RPRD1B: variants seen among roughly 807,000 people sequenced by gnomAD.
The protein encoded by RPRD1B is regulation of nuclear pre-mRNA domain-containing protein 1B.
In RPRD1B, 11 loss-of-function variants were observed where a neutral mutation model predicts 41.5. The observed-to-expected ratio is 0.27, with a 90% CI of 0.17 to 0.44. The LOEUF is 0.44. RPRD1B is among the 20% of genes least tolerant of loss of function. RPRD1B has a pLI of 1.00. For missense variants in RPRD1B, 248 were observed against 389.9 expected (o/e 0.64, Z 3.06); for synonymous variants, 158 against 155.6 (o/e 1.02, Z -0.12).
Position 38,091,266 on chromosome 20 carries a change from G to A in RPRD1B, c.*1391G>A. On this transcript the variant is annotated 3_prime_UTR_variant, in exon 7 of 7. Coordinates refer to ENST00000373433, the MANE Select transcript of RPRD1B (RefSeq NM_021215.4). The stretch of plus-strand genomic sequence containing the variant: ...GGGGCTTTGTAATCTCCATTAATTT[G>A]TGTTGCTACTTCCAGGATCACCAAA... The A allele has an allele frequency of 2.0e-6, 2 of 985,760 alleles. No individual in the cohort carries two copies. The highest frequency in any genetic ancestry group is 2.4e-6 in the Non-Finnish European group (2 of 829,890). The allele number at this position is 985,760 out of a possible 1,614,324, so 61.1% of individuals were successfully genotyped here.
chr20:38,076,906 C>CCTTTTTTTT (rs2074466082), intron 6 of RPRD1B, among the ~76,000 whole-genome samples: 4 of 63,510 alleles, frequency 6.3e-5, no homozygotes, highest in Admixed American at 1.8e-4. Flanking sequence ...CATTCTGGAC[C>CCTTTTTTTT]TTTTTTTTTT....
intron 3 of RPRD1B, among the ~76,000 whole-genome samples, chr20:38,055,609 C>G (rs1600406439): frequency 6.6e-6 from 1 of 152,202 alleles, no homozygotes; most frequent in Non-Finnish European, 1.5e-5. Context: ...CGTGCTCTTT[C>G]TTCTGTAACT....
chr20:38,081,693 A>G (rs915838347), intron 6 of RPRD1B, among the ~76,000 whole-genome samples: 5 of 152,178 alleles, frequency 3.3e-5, no homozygotes, highest in Non-Finnish European at 7.3e-5. Context: ...TGGGTTTGTC[A>G]TAGATGGCTC....
chr20:38,044,372 A>ATTTTTTTTT (rs74179885), intron 2 of RPRD1B, among the ~76,000 whole-genome samples: 1 of 124,546 alleles, frequency 8.0e-6, no homozygotes, highest in Non-Finnish European at 1.6e-5. Flanking sequence ...TCAGGTGTTC[A>ATTTTTTTTT]TTTTTTTTTT....
At chr20:38,063,240 T>G (rs1045378417) in intron 5 of RPRD1B, among the ~76,000 whole-genome samples, 1 of 152,170 alleles carries the variant, frequency 6.6e-6, no homozygotes, top group Non-Finnish European at 1.5e-5. Flanking sequence ...TTTGAAAATG[T>G]TGATCCCCCC....
rs1461408656 is a variant in RPRD1B at position 38,091,057 on chromosome 20, GTAGT to G, written c.*1186_*1189del. The G allele has an allele frequency of 1.0e-6, 1 of 985,624 alleles. No individual in the cohort carries two copies. The highest frequency in any genetic ancestry group is 1.2e-6 in the Non-Finnish European group (1 of 829,854). The allele number at this position is 985,624 out of a possible 1,614,324, so 61.1% of individuals were successfully genotyped here. Reference sequence around the variant, plus strand: ...TCAGCTGACATTATGACTATATAATGTAGTTAGAGACAATTTTTATCTTGCTTAT... The same window carrying G: ...TCAGCTGACATTATGACTATATAATGTAGAGACAATTTTTATCTTGCTTAT... On this transcript the variant is annotated 3_prime_UTR_variant, in exon 7 of 7. Coordinates refer to ENST00000373433, the MANE Select transcript of RPRD1B (RefSeq NM_021215.4).
chr20:38,051,726 AT>A (rs1298661211), intron 3 of RPRD1B, among the ~76,000 whole-genome samples: 2 of 152,214 alleles, frequency 1.3e-5, no homozygotes, highest in Non-Finnish European at 2.9e-5. Flanking sequence ...TAGTTTAGCT[AT>A]TCAGGCTTCC....
At chr20:38,057,478 G>A in intron 3 of RPRD1B, 54 bp from the exon 4 acceptor site, 1 of 1,262,074 alleles carries the variant, frequency 7.9e-7, no homozygotes, top group East Asian at 2.3e-5. Flanking sequence ...CATAGCATGT[G>A]ACTTATCACT....
chr20:38,055,193 C>A (rs1487889228), intron 3 of RPRD1B, among the ~76,000 whole-genome samples: 1 of 152,108 alleles, frequency 6.6e-6, no homozygotes, highest in African/African-American at 2.4e-5. Context: ...AGATAATAAA[C>A]TAATAGTTAT....
At chr20:38,043,005 A>G (rs949814525) in intron 2 of RPRD1B, among the ~76,000 whole-genome samples, 5 of 152,256 alleles carry the variant, frequency 3.3e-5, no homozygotes, top group Admixed American at 2.6e-4. Context: ...ACAGCTGTCC[A>G]TGTCATTTTT....
intron 1 of RPRD1B, among the ~76,000 whole-genome samples, chr20:38,034,347 C>T (rs1387269651): frequency 6.6e-6 from 1 of 152,220 alleles, no homozygotes; most frequent in Admixed American, 6.5e-5. Context: ...AAGCCATTTT[C>T]CCTTCAGTTT....
intron 6 of RPRD1B, among the ~76,000 whole-genome samples, chr20:38,075,728 T>C (rs953611563): frequency 3.3e-5 from 5 of 152,230 alleles, no homozygotes; most frequent in Non-Finnish European, 5.9e-5. Context: ...AGAGTCATTT[T>C]CTGAGATCAG....
chr20:38,058,911 G>T (rs761590941), intron 4 of RPRD1B, among the ~76,000 whole-genome samples: 1 of 152,060 alleles, frequency 6.6e-6, no homozygotes, highest in Non-Finnish European at 1.5e-5. Flanking sequence ...ACAGGGTGTC[G>T]CTATATTGTC....
chr20:38,060,217 C>T (rs1056446756), intron 5 of RPRD1B, among the ~76,000 whole-genome samples: 2 of 152,194 alleles, frequency 1.3e-5, no homozygotes, highest in African/African-American at 4.8e-5. Context: ...TCCAAGGTCA[C>T]ACAAGTAGTG....
chr20:38,035,098 A>G (rs1455306096), intron 1 of RPRD1B, among the ~76,000 whole-genome samples: 3 of 152,202 alleles, frequency 2.0e-5, no homozygotes, highest in African/African-American at 7.2e-5. Context: ...GTGAGGAGTA[A>G]ACGGGATAAT....
At chr20:38,051,018 A>C (rs1282282138) in intron 3 of RPRD1B, among the ~76,000 whole-genome samples, 2 of 152,174 alleles carry the variant, frequency 1.3e-5, no homozygotes, top group Non-Finnish European at 2.9e-5. Flanking sequence ...ATTCATGGGT[A>C]ATTCTTTGTC....
chr20:38,047,410 A>T (rs777312527), intron 2 of RPRD1B, among the ~76,000 whole-genome samples: 38 of 152,152 alleles, frequency 2.5e-4, no homozygotes, highest in Non-Finnish European at 4.4e-4. Flanking sequence ...TTGAATTGGC[A>T]TGGTTTCTCC....
At chr20:38,052,245 G>A (rs1010104399) in intron 3 of RPRD1B, among the ~76,000 whole-genome samples, 1 of 152,182 alleles carries the variant, frequency 6.6e-6, no homozygotes, top group Non-Finnish European at 1.5e-5. Flanking sequence ...GCCAGTTCTA[G>A]TATCTAATGT....
intron 2 of RPRD1B, among the ~76,000 whole-genome samples, chr20:38,045,216 A>G (rs2074109355): frequency 6.6e-6 from 1 of 152,234 alleles, no homozygotes; most frequent in African/African-American, 2.4e-5. Context: ...CACTTTATTC[A>G]TAGATTGTTG....
Sources: gnomAD v4.1 joint callset for allele counts (sites outside exome capture counted in the v4.1 genomes callset) on GRCh38, gnomAD v4.1.1 for gene constraint, MANE v1.5 for transcripts, NCBI Gene and HGNC (gene_info 2026-07-23, HGNC 2026-07-21) for gene names.